The following IL23R variants were observed in gnomAD, a reference collection of about 807,000 sequenced individuals.
IL23R encodes the protein interleukin-23 receptor.
IL23R carries 34 observed loss-of-function variants against 56.9 expected under a neutral mutation model. That is an observed-to-expected ratio of 0.60 (90% confidence interval 0.45 to 0.80). The LOEUF (loss-of-function observed/expected upper bound fraction) is 0.80, where lower values mean the gene tolerates loss of function less well. Among genes scored for constraint, IL23R ranks in the 30% least tolerant of loss-of-function variants. IL23R has a pLI of 0.00. For synonymous variants in IL23R, 230 were observed against 249.2 expected (o/e 0.92, Z 0.73); for missense variants, 635 against 730.0 (o/e 0.87, Z 1.50).
intron 9 of IL23R, among the ~76,000 whole-genome samples, chr1:67,252,625 T>TG (rs879756860): frequency 6.6e-6 from 1 of 152,104 alleles, no homozygotes; most frequent in African/African-American, 2.4e-5. Flanking sequence ...TCAGTGCTCC[T>TG]GGGGGTCGTT....
In IL23R at chr1:67,259,175, ACTTGGGTTTTCC is replaced by A. The variant is rs1460862007; in HGVS notation, c.*50_*61del. On this transcript the variant is annotated 3_prime_UTR_variant, in exon 11 of 11. Transcript: ENST00000347310. ...ATGAGAAAGCTGCCTTGCAATCTGA[ACTTGGGTTTTCC>A]CTGCAATAGAAATTGAATTCTGCCT... 1.9e-6 allele frequency: 3 copies of A among 1,591,138 alleles called. No individual in the cohort carries two copies. In the African/African-American group the frequency reaches 4.0e-5, roughly 21 times the overall value.
At chr1:67,189,138 G>GTA (rs939613724) in intron 4 of IL23R, among the ~76,000 whole-genome samples, 22 of 152,004 alleles carry the variant, frequency 1.4e-4, no homozygotes, top group African/African-American at 5.3e-4. Context: ...CTTATTTTTT[G>GTA]TATGTCAATA....
At chr1:67,171,820 C>T in intron 3 of IL23R, among the ~76,000 whole-genome samples, 1 of 152,152 alleles carries the variant, frequency 6.6e-6, no homozygotes, top group Non-Finnish European at 1.5e-5. Context: ...ACACCACCTT[C>T]CGTGTGTTGC....
At chr1:67,233,195 CAAAAAAA>C (rs34125353) in intron 7 of IL23R, among the ~76,000 whole-genome samples, 8 of 53,636 alleles carry the variant, frequency 1.5e-4, no homozygotes, top group South Asian at 9.7e-4. Flanking sequence ...CTAAAAATTC[CAAAAAAA>C]AAAAAAAAAA....
intron 5 of IL23R, 75 bp downstream of exon 5, chr1:67,200,972 T>C: frequency 2.8e-6 from 4 of 1,453,544 alleles, no homozygotes; most frequent in East Asian, 2.3e-5. Flanking sequence ...GGTCTAGATC[T>C]GAAAGAAGTT....
intron 10 of IL23R, 62 bp downstream of exon 10, chr1:67,255,989 A>C (rs1652925874): frequency 1.1e-6 from 1 of 891,824 alleles, no homozygotes; most frequent in East Asian, 2.4e-5. Flanking sequence ...CAGTCTAATA[A>C]TTAGAATAGA....
Position 67,168,204 on chromosome 1 carries a change from T to C in IL23R, c.70+14T>C. ...GGTGTCATGGAGGTATGGTGTTTTATGTATCTATTGCTATCTTTCATTCAA... is the reference window on the plus strand; with the variant it reads ...GGTGTCATGGAGGTATGGTGTTTTACGTATCTATTGCTATCTTTCATTCAA... On this transcript the variant is annotated intron_variant, in intron 2 of 10. Transcript: ENST00000347310. 3 of 1,552,296 alleles carry C rather than the reference T, an allele frequency of 1.9e-6. No homozygotes were observed. In the East Asian group the frequency reaches 6.7e-5, roughly 35 times the overall value.
intron 3 of IL23R, among the ~76,000 whole-genome samples, chr1:67,181,062 T>C (rs981153898): frequency 2.6e-5 from 4 of 152,222 alleles, no homozygotes; most frequent in African/African-American, 4.8e-5. Flanking sequence ...ATTTTTTCCT[T>C]CATTTCAACT....
intron 1 of IL23R, among the ~76,000 whole-genome samples, chr1:67,139,944 T>C (rs1373829995): frequency 6.6e-6 from 1 of 152,116 alleles, no homozygotes; most frequent in Non-Finnish European, 1.5e-5. Context: ...GGGAGTGGGA[T>C]TGGTGGTTTT....
intron 9 of IL23R, among the ~76,000 whole-genome samples, chr1:67,254,926 A>T (rs1192113979): frequency 1.3e-5 from 2 of 152,172 alleles, no homozygotes; most frequent in African/African-American, 4.8e-5. Flanking sequence ...ACTGATCCTT[A>T]AAATAAGCAC....
intron 7 of IL23R, among the ~76,000 whole-genome samples, chr1:67,233,315 A>G (rs1008544162): frequency 1.3e-5 from 2 of 151,424 alleles, no homozygotes; most frequent in African/African-American, 4.8e-5. Flanking sequence ...GCAGTGAGCC[A>G]GGATCATGCC....
chr1:67,258,913 A>C lies in IL23R; in HGVS notation c.1675A>C (p.Ser559Arg), dbSNP rs564574754. ...LSLILNQGEC[S>R]SPDIQNSVEE... ...CCTCATATTAAATCAAGGAGAATGC[A>C]GTTCTCCTGACATACAAAACTCAGT... The change falls in exon 11 of 11, where the codon AGT becomes CGT. Residue 559 changes from serine (S) to arginine (R), a missense_variant. Transcript: ENST00000347310. 132 of 1,613,288 alleles carry C rather than the reference A, an allele frequency of 8.2e-5. 2 individuals carry two copies. The South Asian group carries it at 1.4e-3, about 17-fold the overall frequency.
intron 4 of IL23R, among the ~76,000 whole-genome samples, chr1:67,198,506 G>A (rs1314812072): frequency 2.6e-5 from 4 of 152,196 alleles, no homozygotes; most frequent in Admixed American, 2.6e-4. Context: ...AGATAAATAT[G>A]CTTTGAAATG....
At chr1:67,260,272 T>G (rs1653160499), downstream of IL23R, among the ~76,000 whole-genome samples, 1 of 152,162 alleles carries the variant, frequency 6.6e-6, no homozygotes, top group Non-Finnish European at 1.5e-5. Flanking sequence ...GGCCTTGTTT[T>G]CCTGTGGCAT....
In IL23R at chr1:67,157,104, G is replaced by T. The variant is rs190051587; in HGVS notation, c.-633-10988G>T. On this transcript the variant is annotated intron_variant, in intron 1 of 10. Coordinates refer to the IL23R transcript ENST00000637002. The stretch of plus-strand genomic sequence containing the variant: ...TGAAGCGACGCCCCACCCTGCTTCT[G>T]CTCTCTCTCCATGGGTCGCACCCAC... Among the ~76,000 whole-genome samples, 3 of 152,208 alleles carry T rather than the reference G, an allele frequency of 2.0e-5. No homozygotes were observed. In the East Asian group the frequency reaches 5.8e-4, roughly 29 times the overall value.
At chr1:67,204,077 T>C (rs1471541758) in intron 5 of IL23R, among the ~76,000 whole-genome samples, 3 of 152,260 alleles carry the variant, frequency 2.0e-5, no homozygotes, top group Non-Finnish European at 4.4e-5. Context: ...TTTTTTTCTT[T>C]TTTTGAGACG....
At chr1:67,158,191 G>A (rs10889660) in intron 1 of IL23R, among the ~76,000 whole-genome samples, 42,767 of 151,818 alleles carry the variant, frequency 0.28, 6,465 homozygotes, top group Admixed American at 0.41. Flanking sequence ...ACTCCATCCT[G>A]GGCAACAGAG....
downstream of IL23R, among the ~76,000 whole-genome samples, chr1:67,264,119 C>T (rs911329044): frequency 1.3e-5 from 2 of 152,212 alleles, no homozygotes; most frequent in African/African-American, 4.8e-5. Flanking sequence ...ACTTTAGCCA[C>T]AGGCTATCAA....
Position 67,189,914 on chromosome 1 carries a change from G to A in IL23R, c.491+6955G>A, listed in dbSNP as rs373179405. Among the ~76,000 whole-genome samples the A allele has an allele frequency of 1.1e-4, 16 of 152,050 alleles. 2 individuals carry two copies. The East Asian group carries it at 1.5e-3, about 15-fold the overall frequency. On this transcript the variant is annotated intron_variant, in intron 4 of 10. Transcript: ENST00000347310. ...TGAGCCACTGTACTCCAGCCTGGGC[G>A]ACTTAGCCAGACCCTGTCTCAAAAA...
Sources: gnomAD v4.1 joint callset for allele counts (sites outside exome capture counted in the v4.1 genomes callset) on GRCh38, gnomAD v4.1.1 for gene constraint, MANE v1.5 for transcripts, NCBI Gene and HGNC (gene_info 2026-07-23, HGNC 2026-07-21) for gene names.